MIGA1: variants seen among roughly 807,000 people sequenced by gnomAD.
MIGA1 encodes family with sequence similarity 73, member A.
In MIGA1, 58 loss-of-function variants were observed where a neutral mutation model predicts 82.0. That is an observed-to-expected ratio of 0.71 (90% confidence interval 0.57 to 0.88). The LOEUF is 0.88. MIGA1 is among the 40% of genes least tolerant of loss of function. The pLI is 0.00. For missense variants in MIGA1, 751 were observed against 749.1 expected (o/e 1.00, Z -0.03); for synonymous variants, 249 against 253.6 (o/e 0.98, Z 0.17).
At chr1:77,828,157 C>T (rs945608177) in intron 7 of MIGA1, among the ~76,000 whole-genome samples, 3 of 152,146 alleles carry the variant, frequency 2.0e-5, no homozygotes, top group African/African-American at 7.2e-5. Context: ...TATTTATGTA[C>T]ATATCCAGTG....
At chr1:77,845,908 A>T (rs1034282139) in intron 8 of MIGA1, among the ~76,000 whole-genome samples, 3 of 151,572 alleles carry the variant, frequency 2.0e-5, no homozygotes, top group African/African-American at 7.3e-5. Context: ...TTCCTGTATA[A>T]GCTTTGCCAA....
chr1:77,857,355 T>C (rs969083607), intron 8 of MIGA1, among the ~76,000 whole-genome samples: 8 of 151,764 alleles, frequency 5.3e-5, no homozygotes, highest in Non-Finnish European at 1.0e-4. Flanking sequence ...TTGTAACTTG[T>C]ATTGTATTGT....
At chr1:77,865,137 CTT>C (rs766912801) in intron 13 of MIGA1, among the ~76,000 whole-genome samples, 4 of 141,946 alleles carry the variant, frequency 2.8e-5, no homozygotes. Context: ...ATTTTTCTTT[CTT>C]TTTTTTTTTT....
At chr1:77,859,487 A>T (rs1571007086) in intron 10 of MIGA1, 101 bp downstream of exon 10, 1 of 759,340 alleles carries the variant, frequency 1.3e-6, no homozygotes, top group South Asian at 1.6e-5. Context: ...GCTCTTGATT[A>T]TCCCTATTCC....
intron 8 of MIGA1, among the ~76,000 whole-genome samples, chr1:77,846,278 T>C (rs1254077356): frequency 2.6e-5 from 4 of 152,180 alleles, no homozygotes; most frequent in Non-Finnish European, 5.9e-5. Context: ...AATGTTTTCT[T>C]TCAAGTTCTG....
intron 8 of MIGA1, chr1:77,848,360 G>C: frequency 8.4e-7 from 1 of 1,196,224 alleles, no homozygotes; most frequent in Non-Finnish European, 1.2e-6. Context: ...AAGGAGAGAA[G>C]GAAGAGAAAA....
chr1:77,838,974 TTATTC>T (rs1246115714), intron 7 of MIGA1, among the ~76,000 whole-genome samples: 1 of 152,200 alleles, frequency 6.6e-6, no homozygotes, highest in Non-Finnish European at 1.5e-5. Flanking sequence ...TACGGTTTGT[TTATTC>T]TATATTTGGA....
intron 7 of MIGA1, among the ~76,000 whole-genome samples, chr1:77,835,807 G>A (rs1029453138): frequency 6.6e-6 from 1 of 152,068 alleles, no homozygotes; most frequent in Admixed American, 6.6e-5. Context: ...AATTAGCCAG[G>A]CGTGGTGGTG....
At chr1:77,789,337 T>C (rs1682313368) in intron 2 of MIGA1, among the ~76,000 whole-genome samples, 1 of 151,566 alleles carries the variant, frequency 6.6e-6, no homozygotes, top group Non-Finnish European at 1.5e-5. Flanking sequence ...GCCTCCCAAG[T>C]AGCTTGTACT....
intron 2 of MIGA1, among the ~76,000 whole-genome samples, chr1:77,799,873 G>T (rs1369007264): frequency 6.7e-6 from 1 of 149,082 alleles, no homozygotes; most frequent in Non-Finnish European, 1.5e-5. Context: ...AAAACCAGCT[G>T]TTGGTCTTAT....
chr1:77,867,975 A>G (rs1325110997), intron 14 of MIGA1, among the ~76,000 whole-genome samples: 1 of 152,148 alleles, frequency 6.6e-6, no homozygotes, highest in African/African-American at 2.4e-5. Flanking sequence ...ACTTGTATAC[A>G]TGGGTTTGAT....
chr1:77,817,101 C>T (rs1683597792), intron 7 of MIGA1, among the ~76,000 whole-genome samples: 1 of 152,076 alleles, frequency 6.6e-6, no homozygotes, highest in Non-Finnish European at 1.5e-5. Flanking sequence ...TAATATTCAT[C>T]GCGGATTTGG....
chr1:77,872,904 C>G lies in MIGA1; in HGVS notation c.1564-100C>G, dbSNP rs368321614. The stretch of plus-strand genomic sequence containing the variant: ...TCTAAAAAACAAATTTTCTTAAACT[C>G]CCACTGGTCATATAATGAATAGCAA... On this transcript the variant is annotated intron_variant, in intron 14 of 15. Coordinates refer to ENST00000370791, the MANE Select transcript of MIGA1 (RefSeq NM_198549.4). 4.9e-5 allele frequency: 73 copies of G among 1,480,900 alleles called. No homozygotes were observed. In the Admixed American group the frequency reaches 7.2e-4, roughly 15 times the overall value. The allele number at this position is 1,480,900 out of a possible 1,614,324, so 91.7% of individuals were successfully genotyped here. A position where few individuals can be genotyped will look rare whatever the true frequency, so the allele number is the denominator to read the frequency against.
chr1:77,834,106 A>G (rs772653611), intron 7 of MIGA1, among the ~76,000 whole-genome samples: 1 of 152,238 alleles, frequency 6.6e-6, no homozygotes, highest in Non-Finnish European at 1.5e-5. Context: ...GTCATCACAA[A>G]TCAAGAACTT....
At chr1:77,839,503 T>A (rs1684550097) in intron 7 of MIGA1, among the ~76,000 whole-genome samples, 1 of 151,682 alleles carries the variant, frequency 6.6e-6, no homozygotes, top group Non-Finnish European at 1.5e-5. Flanking sequence ...CCCGAGAAGC[T>A]GGAACTTTAG....
Sources: gnomAD v4.1 joint callset for allele counts (sites outside exome capture counted in the v4.1 genomes callset) on GRCh38, gnomAD v4.1.1 for gene constraint, MANE v1.5 for transcripts, NCBI Gene and HGNC (gene_info 2026-07-23, HGNC 2026-07-21) for gene names.